MAP3K7CL: variants seen among roughly 807,000 people sequenced by gnomAD.
The protein encoded by MAP3K7CL is MAP3K7 C-terminal like, also known as MAP3K7 C-terminal-like protein.
In MAP3K7CL, 16 loss-of-function variants were observed where a neutral mutation model predicts 18.6. The ratio of observed to expected loss-of-function variants is 0.86; its 90% CI spans 0.58 to 1.31. The LOEUF is 1.31. MAP3K7CL is among the 50% of genes most tolerant of loss of function. The probability of loss-of-function intolerance (pLI) is 0.00; values close to 1 mark genes in which losing one functional copy is unlikely to be tolerated. For missense variants in MAP3K7CL, 163 were observed against 174.4 expected, an observed-to-expected ratio of 0.93 and a Z score of 0.37; for synonymous variants, 65 against 66.8, an observed-to-expected ratio of 0.97 and a Z score of 0.13.
At chr21:29,171,281 A>G (rs1387980282) in intron 4 of MAP3K7CL, among the ~76,000 whole-genome samples, 1 of 152,192 alleles carries the variant, frequency 6.6e-6, no homozygotes, top group African/African-American at 2.4e-5. Context: ...AGATCCAAAA[A>G]TCAGTAACAG....
chr21:29,138,460 T>C (rs1372673684), intron 2 of MAP3K7CL, among the ~76,000 whole-genome samples: 3 of 152,200 alleles, frequency 2.0e-5, no homozygotes, highest in Non-Finnish European at 4.4e-5. Context: ...CTTCTCCAGC[T>C]AGAGGGAATT....
intron 3 of MAP3K7CL, among the ~76,000 whole-genome samples, chr21:29,151,052 G>A (rs1173427132): frequency 6.6e-6 from 1 of 151,810 alleles, no homozygotes; most frequent in Non-Finnish European, 1.5e-5. Context: ...TTGCAGGCGT[G>A]AGCCACGGCG....
intron 1 of MAP3K7CL, among the ~76,000 whole-genome samples, chr21:29,089,975 A>C (rs1667268384): frequency 6.6e-6 from 1 of 152,112 alleles, no homozygotes; most frequent in African/African-American, 2.4e-5. Context: ...GGAGGGAAGG[A>C]AAAAAGAAAG....
chr21:29,122,658 G>T (rs116617609), intron 4 of MAP3K7CL, among the ~76,000 whole-genome samples: 6,055 of 152,286 alleles, frequency 0.04, 424 homozygotes, highest in African/African-American at 0.14. Flanking sequence ...AGCTGCTGCT[G>T]CTTTTCTCTA....
upstream of MAP3K7CL, among the ~76,000 whole-genome samples, chr21:29,084,098 T>C (rs1037478503): frequency 6.7e-6 from 1 of 149,432 alleles, no homozygotes; most frequent in Non-Finnish European, 1.5e-5. Context: ...TTTCCAAAAT[T>C]GCTAGTTTAT....
intron 4 of MAP3K7CL, 22 bp from the exon 5 acceptor site, chr21:29,174,690 G>T (rs1568977795): frequency 6.2e-7 from 1 of 1,613,012 alleles, no homozygotes; most frequent in South Asian, 1.1e-5. Flanking sequence ...GCTTCTTCCT[G>T]CCCTTTACCC....
upstream of MAP3K7CL, among the ~76,000 whole-genome samples, chr21:29,082,106 G>T (rs745940604): frequency 2.6e-5 from 4 of 152,100 alleles, no homozygotes. Flanking sequence ...ATTACTTTTG[G>T]ATGAGCTAAC....
At chr21:29,167,913 A>T (rs750783680) in intron 4 of MAP3K7CL, among the ~76,000 whole-genome samples, 100 of 151,794 alleles carry the variant, frequency 6.6e-4, no homozygotes, top group Non-Finnish European at 1.1e-3. Context: ...GTTAGCCAGG[A>T]TGGTCTTGAT....
intron 4 of MAP3K7CL, among the ~76,000 whole-genome samples, chr21:29,094,814 TGAGAGGCCGAGGCAG>T (rs2086092216): frequency 6.6e-6 from 1 of 152,108 alleles, no homozygotes; most frequent in Admixed American, 6.5e-5. Flanking sequence ...CCCAGCACTT[TGAGAGGCCGAGGCAG>T]GAGCATTGCT....
Position 29,090,238 on chromosome 21 carries a change from A to C in MAP3K7CL, c.58-1263A>C, listed in dbSNP as rs562918041. 9.8e-5 allele frequency among the ~76,000 whole-genome samples: 15 copies of C among 152,312 alleles called. No individual in the cohort carries two copies. In the East Asian group the frequency reaches 2.9e-3, roughly 29 times the overall value. ...TCCACTTATGACCAAAAGAGGACAC[A>C]ATGTTTTATAAGATTAAAAGAGATT... On this transcript the variant is annotated intron_variant, in intron 1 of 6. Transcript: ENST00000286791.
rs114638855 is a variant in MAP3K7CL, at chr21:29,166,804, T to C, written c.248+6748T>C. Among the ~76,000 whole-genome samples the C allele has an allele frequency of 4.9e-3, 750 of 152,372 alleles. 3 individuals carry two copies. The highest frequency in any genetic ancestry group is 0.017 in the African/African-American group (726 of 41,590). On this transcript the variant is annotated intron_variant, in intron 4 of 4. Coordinates refer to ENST00000399928, the MANE Select transcript of MAP3K7CL (RefSeq NM_001286620.2). The stretch of plus-strand genomic sequence containing the variant: ...TATAATATTTTATCCTTTCATAGGC[T>C]AATGGACATTTAATCGGTTGTTTGC...
At chr21:29,106,739 C>T (rs1044178367) in intron 4 of MAP3K7CL, among the ~76,000 whole-genome samples, 7 of 152,202 alleles carry the variant, frequency 4.6e-5, no homozygotes, top group South Asian at 2.1e-4. Context: ...TTTGTCTCTG[C>T]GTCTCAGACT....
At chr21:29,093,192 C>T (rs544259451) in intron 4 of MAP3K7CL, among the ~76,000 whole-genome samples, 18 of 152,226 alleles carry the variant, frequency 1.2e-4, no homozygotes, top group Non-Finnish European at 2.2e-4. Context: ...GCGTAAGCCC[C>T]TGCACCCAGC....
intron 2 of MAP3K7CL, among the ~76,000 whole-genome samples, chr21:29,141,300 G>T (rs540001154): frequency 6.6e-6 from 1 of 152,234 alleles, no homozygotes; most frequent in East Asian, 1.9e-4. Flanking sequence ...GGATCATGAG[G>T]TCAGGAGATG....
At chr21:29,129,851 T>G (rs1449075127), upstream of MAP3K7CL, among the ~76,000 whole-genome samples, 2 of 152,236 alleles carry the variant, frequency 1.3e-5, no homozygotes, top group Non-Finnish European at 2.9e-5. Flanking sequence ...GTTATTCCAA[T>G]AGGTGTATAG....
intron 4 of MAP3K7CL, among the ~76,000 whole-genome samples, chr21:29,115,592 CT>C (rs1210051164): frequency 6.6e-6 from 1 of 152,172 alleles, no homozygotes; most frequent in Non-Finnish European, 1.5e-5. Flanking sequence ...TTTGACCTCC[CT>C]TTACCTCCAT....
In MAP3K7CL at chr21:29,174,877, G is replaced by T. The variant is rs1393105139; in HGVS notation, c.414G>T (p.Arg138Ser). Residue 138 changes from arginine (R) to serine (S), a missense_variant, in exon 5 of 5, where the codon AGG (arginine) becomes AGT (serine). Arg to Ser is a moderately radical substitution (Grantham distance 110). Transcript: ENST00000399928. ...AACTTCGAATACAGTATCAGAAGAG[G>T]CAGGGCTCGTCCTAACTTTAAATTT... ...LEKLRIQYQK[R>S]QGSS The T allele has an allele frequency of 6.2e-7, 1 of 1,613,996 alleles. No homozygotes were observed. The highest frequency in any genetic ancestry group is 8.5e-7 in the Non-Finnish European group (1 of 1,179,968).
chr21:29,141,282 G>T (rs933742230), intron 2 of MAP3K7CL, among the ~76,000 whole-genome samples: 1 of 152,186 alleles, frequency 6.6e-6, no homozygotes, highest in African/African-American at 2.4e-5. Flanking sequence ...TTGGGAGGCA[G>T]AGGTGGGGGA....
rs774947450 is a variant in MAP3K7CL, at chr21:29,159,957, A to ATGAC, written c.151_154dup (p.Ser52Ter). The ATGAC allele has an allele frequency of 1.2e-6, 2 of 1,613,864 alleles. No homozygotes were observed. Among genetic ancestry groups the ATGAC allele is most frequent in the South Asian group, 2.2e-5 (2 of 91,048 alleles). ...TTTGTGAAGCCCCTGCCGCCTTGTC[A>ATGAC]TGACTCCGAGGAATCCATGGAGGTG... is the stretch of plus-strand genomic sequence containing the variant. On this transcript the variant is annotated frameshift_variant, in exon 4 of 5. Coordinates refer to ENST00000399928, the MANE Select transcript of MAP3K7CL (RefSeq NM_001286620.2). LOFTEE classifies it high-confidence loss of function.
Sources: allele counts gnomAD v4.1 joint callset (sites outside exome capture counted in the v4.1 genomes callset), GRCh38; gene constraint gnomAD v4.1.1; transcripts MANE v1.5; gene names NCBI Gene and HGNC (gene_info 2026-07-23, HGNC 2026-07-21).